The following NASP variants were observed in gnomAD, a reference collection of about 807,000 sequenced individuals.
The protein encoded by NASP is NASP histone chaperone.
A neutral mutation model predicts 89.5 loss-of-function variants in NASP; 24 were observed. The ratio of observed to expected loss-of-function variants is 0.27; its 90% CI spans 0.19 to 0.38. NASP has a LOEUF of 0.38. Ranked by LOEUF, NASP falls within the 10% of genes least tolerant of loss-of-function variation. The pLI is 1.00. For synonymous variants in NASP, 306 were observed against 324.7 expected (o/e 0.94, Z 0.62); for missense variants, 848 against 921.4 (o/e 0.92, Z 1.03).
intron 1 of NASP, among the ~76,000 whole-genome samples, chr1:45,589,902 A>ATG (rs1469812769): frequency 6.6e-6 from 1 of 152,128 alleles, no homozygotes; most frequent in African/African-American, 2.4e-5. Context: ...CTGTCTCAAA[A>ATG]ACAAAACAAA....
At chr1:45,584,351 T>A in intron 1 of NASP, 146 bp downstream of exon 1, 1 of 716,060 alleles carries the variant, frequency 1.4e-6, no homozygotes, top group Non-Finnish European at 2.3e-6. Context: ...GCCTGGTCAC[T>A]GGAGCAGTCC....
intron 3 of NASP, among the ~76,000 whole-genome samples, chr1:45,603,767 G>A (rs1448325864): frequency 1.3e-5 from 2 of 151,950 alleles, no homozygotes; most frequent in Admixed American, 6.6e-5. Context: ...GCATCACCAC[G>A]CCTGCCTAAT....
At chr1:45,613,406 C>G (rs1644049956) in intron 7 of NASP, among the ~76,000 whole-genome samples, 158 bp downstream of exon 7, 1 of 152,192 alleles carries the variant, frequency 6.6e-6, no homozygotes, top group African/African-American at 2.4e-5. Flanking sequence ...ACCTCAGCCT[C>G]TCAAGTAGCT....
At chr1:45,602,138 C>A in intron 2 of NASP, 117 bp from the exon 3 acceptor site, 2 of 1,244,194 alleles carry the variant, frequency 1.6e-6, no homozygotes, top group Admixed American at 5.9e-5. Context: ...GTTAGCCAGG[C>A]CTTGCCAGAG....
intron 1 of NASP, among the ~76,000 whole-genome samples, chr1:45,587,345 C>A (rs1206227522): frequency 1.3e-5 from 2 of 151,838 alleles, no homozygotes; most frequent in African/African-American, 4.8e-5. Context: ...TACCACCACA[C>A]CTGGCTAATT....
chr1:45,606,533 GGAA>G lies in NASP; in HGVS notation c.356_358del (p.Glu119del), dbSNP rs769555244. The G allele has an allele frequency of 4.0e-5, 64 of 1,613,952 alleles. No homozygotes were observed. Among genetic ancestry groups the G allele is most frequent in the East Asian group, 3.6e-4 (16 of 44,886 alleles). On this transcript the variant is annotated inframe_deletion, in exon 5 of 15. Coordinates refer to ENST00000350030, the MANE Select transcript of NASP (RefSeq NM_002482.4). ...CCTTGGAAGGTGTGCATGTGGAAGA[GGAA>G]GAAGGAGAAAAAACAGAAGATGAAT...
intron 2 of NASP, among the ~76,000 whole-genome samples, chr1:45,599,333 C>T (rs1012177321): frequency 6.6e-6 from 1 of 152,190 alleles, no homozygotes; most frequent in Non-Finnish European, 1.5e-5. Flanking sequence ...TCTCTAACTC[C>T]TGGGCTCAAG....
chr1:45,615,586 AATT>A (rs1644091949), intron 11 of NASP, 115 bp downstream of exon 11: 1 of 952,878 alleles, frequency 1.0e-6, no homozygotes, highest in African/African-American at 1.7e-5. Context: ...GGGCTCATCT[AATT>A]ATTCCTATCA....
At chr1:45,586,402 C>T (rs1644550852) in intron 1 of NASP, among the ~76,000 whole-genome samples, 1 of 151,558 alleles carries the variant, frequency 6.6e-6, no homozygotes, top group African/African-American at 2.4e-5. Context: ...TGTCCGGCCT[C>T]AGCCTCCCGA....
intron 1 of NASP, among the ~76,000 whole-genome samples, chr1:45,586,438 A>T (rs1244673387): frequency 6.6e-6 from 1 of 151,882 alleles, no homozygotes; most frequent in Non-Finnish European, 1.5e-5. Context: ...GGCGCACACC[A>T]CAAGGCCCAG....
chr1:45,599,953 A>ATTTTTTTTTTTTTTTTTTT (rs11302173), intron 2 of NASP, among the ~76,000 whole-genome samples: 3 of 79,074 alleles, frequency 3.8e-5, no homozygotes, highest in African/African-American at 1.5e-4. Flanking sequence ...TTTCCTCTGT[A>ATTTTTTTTTTTTTTTTTTT]TTTTTTTTTT....
chr1:45,600,789 C>T (rs1643822190), intron 2 of NASP, among the ~76,000 whole-genome samples: 1 of 152,194 alleles, frequency 6.6e-6, no homozygotes, highest in Non-Finnish European at 1.5e-5. Flanking sequence ...TCTACCATTA[C>T]ATTCTTACCA....
chr1:45,613,509 ATC>A (rs1644053017), intron 7 of NASP, among the ~76,000 whole-genome samples: 1 of 152,032 alleles, frequency 6.6e-6, no homozygotes, highest in South Asian at 2.1e-4. Context: ...AAGAGATAGA[ATC>A]TCTGTCTCTG....
chr1:45,586,455 C>A (rs1171396595), intron 1 of NASP, among the ~76,000 whole-genome samples: 1 of 151,974 alleles, frequency 6.6e-6, no homozygotes, highest in Admixed American at 6.6e-5. Flanking sequence ...CCAGCTGATT[C>A]TAGTATTTAT....
chr1:45,601,977 C>T (rs1274767832), intron 2 of NASP, among the ~76,000 whole-genome samples: 2 of 151,988 alleles, frequency 1.3e-5, no homozygotes, highest in Non-Finnish European at 2.9e-5. Context: ...TGGTCTCGAT[C>T]TCCTGACCTC....
chr1:45,613,300 G>T, intron 7 of NASP, 52 bp downstream of exon 7: 1 of 1,557,316 alleles, frequency 6.4e-7, no homozygotes, highest in South Asian at 1.2e-5. Context: ...GTTTTTGGGA[G>T]ACTGGAGCTC....
intron 1 of NASP, chr1:45,588,982 TGTGA>T: frequency 1.3e-5 from 2 of 155,270 alleles, no homozygotes; most frequent in East Asian, 2.0e-4. Context: ...TTTGTTTGTT[TGTGA>T]GTGTTTATAT....
chr1:45,590,623 C>G (rs796236659), intron 1 of NASP, among the ~76,000 whole-genome samples: 9 of 145,904 alleles, frequency 6.2e-5, no homozygotes, highest in African/African-American at 2.3e-4. Flanking sequence ...AGTGTTTTTA[C>G]TGGTTCCTTG....
intron 4 of NASP, among the ~76,000 whole-genome samples, chr1:45,605,925 C>T (rs1460307452): frequency 1.3e-5 from 2 of 151,564 alleles, no homozygotes; most frequent in African/African-American, 2.4e-5. Flanking sequence ...TACAAGTATG[C>T]GCCACCATGT....
Sources: gnomAD v4.1 joint callset for allele counts (sites outside exome capture counted in the v4.1 genomes callset) on GRCh38, gnomAD v4.1.1 for gene constraint, MANE v1.5 for transcripts, NCBI Gene and HGNC (gene_info 2026-07-23, HGNC 2026-07-21) for gene names.